Variants in UBR1 observed in about 807,000 individuals in gnomAD.
UBR1 encodes the protein E3 ubiquitin-protein ligase UBR1.
A neutral mutation model predicts 242.1 loss-of-function variants in UBR1; 102 were observed. The ratio of observed to expected loss-of-function variants is 0.42; its 90% CI spans 0.36 to 0.50. The LOEUF (loss-of-function observed/expected upper bound fraction) is 0.50. Ranked by LOEUF, UBR1 falls within the 20% of genes least tolerant of loss-of-function variation. The pLI is 0.01. For synonymous variants in UBR1, 675 were observed against 684.8 expected (o/e 0.99, Z 0.22); for missense variants, 1,772 against 2,101.8 (o/e 0.84, Z 3.07).
chr15:43,014,767 C>T (rs2032986940), intron 29 of UBR1, among the ~76,000 whole-genome samples: 1 of 151,288 alleles, frequency 6.6e-6, no homozygotes, highest in Non-Finnish European at 1.5e-5. Context: ...GCCCGGCAGC[C>T]ACCCCGTCCG....
chr15:43,067,898 C>T lies in UBR1; in HGVS notation c.798G>A (p.Glu266=). The T allele has an allele frequency of 1.9e-6, 3 of 1,614,008 alleles. No homozygotes were observed. Among genetic ancestry groups the T allele is most frequent in the Non-Finnish European group, 2.5e-6 (3 of 1,180,002 alleles). Reference sequence around the variant, plus strand: ...CGCAATTCAAAAGGAGACCACAAACCTCTTTGTCAATGGCAGTGGTATGCA... The same window carrying T: ...CGCAATTCAAAAGGAGACCACAAACTTCTTTGTCAATGGCAGTGGTATGCA... ...AQLHTTAIDK[E]GRRAVKAGAY... is the part of the protein sequence containing the mutation. Residue 266 remains glutamate, a splice_region_variant and synonymous_variant, in exon 6 of 47, where the codon GAG becomes GAA. Transcript: ENST00000290650.
At chr15:42,979,340 T>C (rs532022867) in intron 37 of UBR1, among the ~76,000 whole-genome samples, 221 of 151,684 alleles carry the variant, frequency 1.5e-3, no homozygotes, top group Middle Eastern at 3.4e-3. Context: ...CGCCTGGCCA[T>C]GTAACTAGAT....
chr15:42,953,769 TTCATTCTTA>T (rs2031871671), intron 44 of UBR1, among the ~76,000 whole-genome samples: 1 of 152,168 alleles, frequency 6.6e-6, no homozygotes, highest in Non-Finnish European at 1.5e-5. Flanking sequence ...AGGATTGATT[TTCATTCTTA>T]TGTGAAATCA....
chr15:43,051,658 G>T (rs1210945610), intron 12 of UBR1, among the ~76,000 whole-genome samples: 1 of 152,152 alleles, frequency 6.6e-6, no homozygotes, highest in Non-Finnish European at 1.5e-5. Context: ...ATCTAGAAGA[G>T]AATTTACATT....
At chr15:43,080,702 C>CCCAG (rs1326583821) in intron 3 of UBR1, among the ~76,000 whole-genome samples, 5 of 152,148 alleles carry the variant, frequency 3.3e-5, no homozygotes, top group Admixed American at 1.3e-4. Flanking sequence ...CACCTGTAAT[C>CCCAG]CCAGCAATTT....
chr15:43,014,299 G>A (rs1249944161), intron 29 of UBR1, among the ~76,000 whole-genome samples: 3 of 152,308 alleles, frequency 2.0e-5, no homozygotes, highest in South Asian at 2.1e-4. Flanking sequence ...CTGCCCAGCC[G>A]CCACCCCGTC....
chr15:42,979,475 A>C (rs147973987), intron 37 of UBR1, among the ~76,000 whole-genome samples: 1 of 152,336 alleles, frequency 6.6e-6, no homozygotes, highest in East Asian at 1.9e-4. Context: ...GGCAAGTGAC[A>C]GGCGACTTAA....
intron 37 of UBR1, among the ~76,000 whole-genome samples, chr15:42,980,439 G>A (rs939313658): frequency 1.3e-5 from 2 of 152,106 alleles, no homozygotes; most frequent in East Asian, 3.9e-4. Flanking sequence ...TATTACCATG[G>A]GCAAGTCATG....
intron 30 of UBR1, among the ~76,000 whole-genome samples, chr15:43,005,015 T>C (rs555422391): frequency 3.0e-5 from 4 of 131,656 alleles, no homozygotes; most frequent in Non-Finnish European, 4.8e-5. Context: ...TGAGGAGTGC[T>C]TCTGCCCAGC....
intron 42 of UBR1, among the ~76,000 whole-genome samples, chr15:42,963,272 TA>T (rs530322922): frequency 8.6e-4 from 130 of 151,444 alleles, no homozygotes; most frequent in African/African-American, 3.0e-3. Flanking sequence ...CCTGGGTATT[TA>T]AAAAAAAGAC....
chr15:43,092,623 G>C (rs533215487), intron 1 of UBR1, among the ~76,000 whole-genome samples: 1 of 151,854 alleles, frequency 6.6e-6, no homozygotes, highest in African/African-American at 2.4e-5. Flanking sequence ...GCACGATCTC[G>C]GCTCACTGCA....
intron 21 of UBR1, among the ~76,000 whole-genome samples, chr15:43,029,061 G>A (rs1021697051): frequency 6.6e-6 from 1 of 151,572 alleles, no homozygotes; most frequent in South Asian, 2.1e-4. Context: ...CTCCAGCCTG[G>A]GTGACAGAGC....
intron 21 of UBR1, among the ~76,000 whole-genome samples, chr15:43,029,419 T>C (rs1170740676): frequency 1.3e-5 from 2 of 152,136 alleles, no homozygotes; most frequent in Non-Finnish European, 2.9e-5. Flanking sequence ...TCACCAGTCA[T>C]TACCAGACAA....
chr15:43,037,139 G>A (rs1014302430), intron 17 of UBR1, among the ~76,000 whole-genome samples: 2 of 151,660 alleles, frequency 1.3e-5, no homozygotes, highest in African/African-American at 4.8e-5. Context: ...CCTGAGGTCA[G>A]GTGTTCAAGA....
intron 4 of UBR1, among the ~76,000 whole-genome samples, chr15:43,072,366 C>T (rs946137530): frequency 6.6e-6 from 1 of 152,196 alleles, no homozygotes; most frequent in African/African-American, 2.4e-5. Flanking sequence ...GCTGGGATTA[C>T]AGGCGTGAGC....
chr15:43,058,039 A>G (rs1485525669), intron 10 of UBR1, among the ~76,000 whole-genome samples: 8 of 151,622 alleles, frequency 5.3e-5, no homozygotes, highest in Non-Finnish European at 1.5e-5. Flanking sequence ...CCTCCTGAGT[A>G]GCTGGGACTA....
At chr15:43,093,186 C>T (rs907423762) in intron 1 of UBR1, among the ~76,000 whole-genome samples, 1 of 152,218 alleles carries the variant, frequency 6.6e-6, no homozygotes, top group Non-Finnish European at 1.5e-5. Flanking sequence ...GATATGTTTT[C>T]AACTCTGACC....
chr15:42,997,277 A>C (rs1019363551), intron 33 of UBR1, among the ~76,000 whole-genome samples: 2 of 152,208 alleles, frequency 1.3e-5, no homozygotes, highest in Non-Finnish European at 2.9e-5. Context: ...CCCAGATGGG[A>C]CCATCTAGTC....
chr15:42,970,569 C>T lies in UBR1; in HGVS notation c.4408G>A (p.Ala1470Thr). 6.2e-7 allele frequency: 1 copy of T among 1,613,804 alleles called. No individual in the cohort carries two copies. The highest frequency in any genetic ancestry group is 1.3e-5 in the African/African-American group (1 of 75,046). ...GCAAAGAAAGAAGATGCGGAATGAG[C>T]CTCTTCACTGTCTTCTTGAACCTGA... ...LAQVQEDSEE[A>T]HSASSFFAEI... is the part of the protein sequence containing the mutation. Residue 1470 changes from alanine to threonine, a missense_variant, in exon 40 of 47, where the codon GCT becomes ACT. By Grantham distance (58) the Ala-to-Thr change is moderately conservative (BLOSUM62 0). Around this residue, in one of 3 missense-constraint regions of UBR1, gnomAD observed 965 missense variants for 1,079.7 expected, o/e 0.89. Transcript: ENST00000290650.
Sources: allele counts gnomAD v4.1 joint callset (sites outside exome capture counted in the v4.1 genomes callset), GRCh38; gene constraint gnomAD v4.1.1; regional missense constraint gnomAD v4.1.1; transcripts MANE v1.5; gene names NCBI Gene and HGNC (gene_info 2026-07-23, HGNC 2026-07-21).